KMT2C: variants seen among roughly 807,000 people sequenced by gnomAD.
The protein encoded by KMT2C is histone-lysine N-methyltransferase 2C.
Under a neutral mutation model 507.9 loss-of-function variants are expected in KMT2C, and 88 were observed. The observed-to-expected ratio is 0.17, with a 90% CI of 0.15 to 0.21. The LOEUF (loss-of-function observed/expected upper bound fraction) is 0.21, where lower values mean the gene tolerates loss of function less well. Ranked by LOEUF, KMT2C falls within the 10% of genes least tolerant of loss-of-function variation. KMT2C has a pLI of 1.00. For synonymous variants in KMT2C, 2,049 were observed against 2,080.8 expected, an observed-to-expected ratio of 0.98 and a Z score of 0.42; for missense variants, 4,954 against 5,957.8, an observed-to-expected ratio of 0.83 and a Z score of 5.55.
At chr7:152,170,067 T>C (rs1363436594) in intron 40 of KMT2C, among the ~76,000 whole-genome samples, 4 of 152,230 alleles carry the variant, frequency 2.6e-5, no homozygotes, top group Non-Finnish European at 5.9e-5. Flanking sequence ...GCAGCCAGAA[T>C]GTATTATGTG....
chr7:152,372,837 T>G (rs2097302437), intron 1 of KMT2C, among the ~76,000 whole-genome samples: 2 of 152,134 alleles, frequency 1.3e-5, no homozygotes, highest in African/African-American at 4.8e-5. Flanking sequence ...AAACACAGAC[T>G]TGAACATTAC....
chr7:152,271,581 G>A (rs2095971505), intron 7 of KMT2C, among the ~76,000 whole-genome samples: 1 of 148,240 alleles, frequency 6.7e-6, no homozygotes, highest in East Asian at 2.0e-4. Flanking sequence ...GCTGAGGCAG[G>A]AGAAATCGCA....
Position 152,176,207 on chromosome 7 carries a change from C to A in KMT2C, c.9246G>T (p.Pro3082=). ...AACTCCTACCAATATTAGGGAAGAA[C>A]GGTTCTGATCGCTGACGAATCATGG... ...MQAMIRQRSE[P]FFPNIDFDAI... Residue 3082 remains proline, a synonymous_variant, in exon 38 of 59, where the codon CCG becomes CCT. Coordinates refer to ENST00000262189, the MANE Select transcript of KMT2C (RefSeq NM_170606.3). 1 of 1,604,466 alleles carries A rather than the reference C, an allele frequency of 6.2e-7. No homozygotes were observed. Among genetic ancestry groups the A allele is most frequent in the East Asian group, 2.2e-5 (1 of 44,734 alleles).
chr7:152,420,514 C>T (rs748903321), intron 1 of KMT2C, among the ~76,000 whole-genome samples: 3 of 152,096 alleles, frequency 2.0e-5, no homozygotes, highest in Non-Finnish European at 4.4e-5. Flanking sequence ...ACCTACAGAA[C>T]GGGAGAAAAT....
At chr7:152,400,507 A>G (rs2097566068) in intron 1 of KMT2C, among the ~76,000 whole-genome samples, 1 of 152,222 alleles carries the variant, frequency 6.6e-6, no homozygotes, top group Non-Finnish European at 1.5e-5. Context: ...CAAAGGAAGA[A>G]GAATCACACA....
At chr7:152,424,114 C>T (rs920905504) in intron 1 of KMT2C, among the ~76,000 whole-genome samples, 2 of 152,004 alleles carry the variant, frequency 1.3e-5, no homozygotes, top group Non-Finnish European at 2.9e-5. Context: ...ATCCCAAATG[C>T]ATTTTTTTTT....
intron 31 of KMT2C, among the ~76,000 whole-genome samples, chr7:152,193,041 G>A (rs1004358442): frequency 6.6e-6 from 1 of 152,152 alleles, no homozygotes; most frequent in African/African-American, 2.4e-5. Flanking sequence ...CAGGCATGAT[G>A]GCGTGTGCCT....
intron 41 of KMT2C, among the ~76,000 whole-genome samples, chr7:152,168,843 C>A (rs1242733012): frequency 1.3e-5 from 2 of 152,116 alleles, no homozygotes; most frequent in Non-Finnish European, 2.9e-5. Context: ...GTCCTTGTCA[C>A]TTAGGAAGAC....
rs1205978170 is a variant in KMT2C at position 152,176,671 on chromosome 7, C to T, written c.8782G>A (p.Asp2928Asn). 3 of 1,614,194 alleles carry T rather than the reference C, an allele frequency of 1.9e-6. No individual in the cohort carries two copies. The highest frequency in any genetic ancestry group is 2.5e-6 in the Non-Finnish European group (3 of 1,180,048). Reference protein sequence around the residue: ...LSSLLANEKSDNSDIRPSGSP... With the variant: ...LSSLLANEKSNNSDIRPSGSP... Reference sequence around the variant, plus strand: ...CCCGATGGCCTAATGTCTGAATTATCAGATTTCTCATTAGCAAGTAAACTT... The same window carrying T: ...CCCGATGGCCTAATGTCTGAATTATTAGATTTCTCATTAGCAAGTAAACTT... The change falls in exon 38 of 59, where the codon GAT (aspartate) becomes AAT (asparagine). Residue 2928 changes from aspartate (D) to asparagine (N), a missense_variant. Asp to Asn is a conservative substitution (Grantham distance 23). Transcript: ENST00000262189.
intron 24 of KMT2C, among the ~76,000 whole-genome samples, chr7:152,207,005 A>G (rs1441826074): frequency 6.6e-6 from 1 of 152,230 alleles, no homozygotes; most frequent in East Asian, 1.9e-4. Flanking sequence ...AATGGCCTTC[A>G]AAGTCCAAGT....
chr7:152,241,121 C>T (rs990641610), intron 14 of KMT2C, among the ~76,000 whole-genome samples: 5 of 152,220 alleles, frequency 3.3e-5, no homozygotes, highest in African/African-American at 1.2e-4. Context: ...ACATGCCAAG[C>T]TCTTTATCAA....
At chr7:152,169,821 G>A (rs1309475712) in intron 40 of KMT2C, among the ~76,000 whole-genome samples, 1 of 152,060 alleles carries the variant, frequency 6.6e-6, no homozygotes, top group Non-Finnish European at 1.5e-5. Context: ...GCCAGCCTGG[G>A]CAACACAGCA....
intron 44 of KMT2C, among the ~76,000 whole-genome samples, chr7:152,157,314 C>T (rs185894833): frequency 7.9e-5 from 11 of 139,704 alleles, no homozygotes; most frequent in African/African-American, 2.4e-4. Context: ...GGTGACAGAG[C>T]GAGACCCTGT....
chr7:152,398,579 C>T (rs999877473), intron 1 of KMT2C, among the ~76,000 whole-genome samples: 17 of 151,250 alleles, frequency 1.1e-4, no homozygotes, highest in African/African-American at 4.2e-4. Context: ...AAGAGGCTCA[C>T]TCTGTCACCC....
Position 152,177,139 on chromosome 7 carries a change from T to A in KMT2C, c.8314A>T (p.Met2772Leu), listed in dbSNP as rs1367970013. 6.2e-7 allele frequency: 1 copy of A among 1,613,620 alleles called. No individual in the cohort carries two copies. ...PELDMGDKKS[M>L]FNEELDLPID... Reference sequence around the variant, plus strand: ...GGAAGGTCTAGTTCCTCATTAAACATGCTTTTCTTATCTCCCATGTCAAGT... The same window carrying A: ...GGAAGGTCTAGTTCCTCATTAAACAAGCTTTTCTTATCTCCCATGTCAAGT... The change falls in exon 38 of 59, where the codon ATG (methionine) becomes TTG (leucine). Residue 2772 changes from methionine (M) to leucine (L), a missense_variant. By Grantham distance (15) the Met-to-Leu change is conservative (BLOSUM62 2). Transcript: ENST00000262189.
intron 9 of KMT2C, among the ~76,000 whole-genome samples, chr7:152,260,132 CAA>C (rs985933792): frequency 1.1e-4 from 17 of 152,172 alleles, no homozygotes; most frequent in African/African-American, 4.1e-4. Flanking sequence ...CAAAGATCAT[CAA>C]TTTAGTAACT....
rs1317367446 is a variant in KMT2C, at chr7:152,156,239, A to C, written c.11778T>G (p.Leu3926=). 3.7e-6 allele frequency: 6 copies of C among 1,614,068 alleles called. No homozygotes were observed. Among genetic ancestry groups the C allele is most frequent in the Non-Finnish European group, 5.1e-6 (6 of 1,180,034 alleles). ...TCACTAACACTCCGGCTTTTCCAGC[A>C]AGTTCTTCAGTTGTTGCAAAACCAT... is the stretch of plus-strand genomic sequence containing the variant. ...MANGFATTEE[L]AGKAGVLVSH... The change falls in exon 45 of 59, where the codon CTT becomes CTG. Residue 3926 remains leucine, a synonymous_variant. Coordinates refer to ENST00000262189, the MANE Select transcript of KMT2C (RefSeq NM_170606.3).
intron 9 of KMT2C, among the ~76,000 whole-genome samples, 177 bp downstream of exon 9, chr7:152,262,839 G>A (rs575450517): frequency 9.7e-4 from 148 of 152,262 alleles, no homozygotes; most frequent in African/African-American, 3.5e-3. Context: ...TGAGGGTGAT[G>A]ACTATGTTCA....
At chr7:152,333,966 C>T (rs1296126174) in intron 2 of KMT2C, among the ~76,000 whole-genome samples, 4 of 151,774 alleles carry the variant, frequency 2.6e-5, no homozygotes, top group African/African-American at 4.8e-5. Context: ...TCTACAAATA[C>T]GTAAGCTTGT....
Sources: gnomAD v4.1 joint callset for allele counts (sites outside exome capture counted in the v4.1 genomes callset) on GRCh38, gnomAD v4.1.1 for gene constraint, MANE v1.5 for transcripts, NCBI Gene and HGNC (gene_info 2026-07-23, HGNC 2026-07-21) for gene names.